The following ABCC4 variants were observed in gnomAD, a reference collection of about 807,000 sequenced individuals.
ABCC4 encodes the protein ATP-binding cassette sub-family C member 4.
ABCC4 carries 102 observed loss-of-function variants against 168.5 expected under a neutral mutation model. The ratio of observed to expected loss-of-function variants is 0.61; its 90% CI spans 0.52 to 0.71. ABCC4 has a LOEUF of 0.71. Among genes scored for constraint, ABCC4 ranks in the 30% least tolerant of loss-of-function variants. The pLI is 0.00. For synonymous variants in ABCC4, 617 were observed against 590.7 expected, an observed-to-expected ratio of 1.04 and a Z score of -0.65; for missense variants, 1,402 against 1,605.8, an observed-to-expected ratio of 0.87 and a Z score of 2.17.
intron 4 of ABCC4, among the ~76,000 whole-genome samples, chr13:95,219,763 C>T (rs1324946534): frequency 6.6e-6 from 1 of 152,178 alleles, no homozygotes; most frequent in Non-Finnish European, 1.5e-5. Context: ...AAGCAATGCT[C>T]CCGCCTTGGC....
chr13:95,189,005 T>C (rs943007560), intron 9 of ABCC4, among the ~76,000 whole-genome samples: 2 of 152,100 alleles, frequency 1.3e-5, no homozygotes, highest in Non-Finnish European at 2.9e-5. Flanking sequence ...TTTTAAGCCC[T>C]GCATGCATTA....
chr13:95,229,334 C>T (rs957924135), intron 4 of ABCC4, among the ~76,000 whole-genome samples: 17 of 152,150 alleles, frequency 1.1e-4, no homozygotes, highest in Non-Finnish European at 2.4e-4. Flanking sequence ...CAGACAGATA[C>T]TTTACCTCAA....
chr13:95,230,648 G>A (rs1405270268), intron 4 of ABCC4, among the ~76,000 whole-genome samples: 1 of 152,130 alleles, frequency 6.6e-6, no homozygotes, highest in Non-Finnish European at 1.5e-5. Context: ...GGTGGCAGGT[G>A]CCTGTAGTCC....
Position 95,075,624 on chromosome 13 carries a change from G to C in ABCC4, c.2687-73C>G, listed in dbSNP as rs1594054727. The C allele has an allele frequency of 1.9e-6, 3 of 1,594,956 alleles. No individual in the cohort carries two copies. The South Asian group carries it at 3.4e-5, about 18-fold the overall frequency. On this transcript the variant is annotated intron_variant, in intron 21 of 30. Coordinates refer to ENST00000645237, the MANE Select transcript of ABCC4 (RefSeq NM_005845.5). ...AAACCTGCGGCCTCCCAAGCTCCAT[G>C]GTCACGTATCCACCAAACAGCACAC...
intron 8 of ABCC4, among the ~76,000 whole-genome samples, chr13:95,198,187 A>C (rs1234445042): frequency 6.6e-6 from 1 of 151,996 alleles, no homozygotes; most frequent in Non-Finnish European, 1.5e-5. Context: ...TACAGAATGG[A>C]AGAAAATTTT....
chr13:95,067,153 T>A (rs1335692678), intron 25 of ABCC4, among the ~76,000 whole-genome samples: 1 of 152,110 alleles, frequency 6.6e-6, no homozygotes. Flanking sequence ...CTCAAATACA[T>A]CGCTGTGCTG....
intron 1 of ABCC4, among the ~76,000 whole-genome samples, chr13:95,267,796 T>A (rs1033030403): frequency 6.6e-6 from 1 of 152,178 alleles, no homozygotes; most frequent in African/African-American, 2.4e-5. Context: ...GGATGGGGGC[T>A]GTGCATATCA....
At chr13:95,201,643 C>T (rs1008487020) in intron 8 of ABCC4, among the ~76,000 whole-genome samples, 19 of 152,034 alleles carry the variant, frequency 1.2e-4, no homozygotes, top group Non-Finnish European at 2.5e-4. Flanking sequence ...GACAAAGTCA[C>T]GTATGGAGAG....
chr13:95,077,889 A>G (rs1252574286), intron 21 of ABCC4, among the ~76,000 whole-genome samples: 2 of 152,096 alleles, frequency 1.3e-5, no homozygotes, highest in Admixed American at 1.3e-4. Flanking sequence ...GAGGTTCCAC[A>G]TATATCAGAG....
chr13:95,126,556 T>C (rs1490554319), intron 19 of ABCC4, among the ~76,000 whole-genome samples: 3 of 151,444 alleles, frequency 2.0e-5, no homozygotes, highest in Non-Finnish European at 4.4e-5. Flanking sequence ...ACCCACCCTA[T>C]GTAAAGCAAC....
intron 4 of ABCC4, among the ~76,000 whole-genome samples, chr13:95,222,404 A>G (rs962979783): frequency 6.6e-5 from 10 of 152,326 alleles, no homozygotes; most frequent in Non-Finnish European, 1.2e-4. Flanking sequence ...CTGAAGTCCA[A>G]ACACATCACA....
At chr13:95,161,649 T>C (rs574180220) in intron 18 of ABCC4, 13 of 173,442 alleles carry the variant, frequency 7.5e-5, no homozygotes, top group Middle Eastern at 2.5e-3. Context: ...TGAAGTGTAG[T>C]TGATCTTCTC....
At chr13:95,194,291 C>T (rs561556787) in intron 9 of ABCC4, among the ~76,000 whole-genome samples, 1 of 152,336 alleles carries the variant, frequency 6.6e-6, no homozygotes, top group African/African-American at 2.4e-5. Flanking sequence ...GCTACGCCGG[C>T]CTGCAGCCTC....
intron 27 of ABCC4, among the ~76,000 whole-genome samples, chr13:95,046,978 T>C (rs2032605675): frequency 6.6e-6 from 1 of 152,214 alleles, no homozygotes; most frequent in African/African-American, 2.4e-5. Flanking sequence ...TGTCATGTAG[T>C]TGAATGTTCT....
intron 19 of ABCC4, among the ~76,000 whole-genome samples, chr13:95,131,142 A>T (rs1034717311): frequency 2.0e-5 from 3 of 152,188 alleles, no homozygotes; most frequent in Non-Finnish European, 4.4e-5. Flanking sequence ...AAGACTTCTT[A>T]TGCCAAGCCT....
chr13:95,059,744 C>G (rs2033215797), intron 26 of ABCC4, among the ~76,000 whole-genome samples: 1 of 152,126 alleles, frequency 6.6e-6, no homozygotes, highest in Non-Finnish European at 1.5e-5. Flanking sequence ...GTTAATGAGC[C>G]AAGTCCTTCT....
At chr13:95,162,493 T>C (rs949180618) in intron 18 of ABCC4, among the ~76,000 whole-genome samples, 4 of 152,158 alleles carry the variant, frequency 2.6e-5, no homozygotes, top group Non-Finnish European at 5.9e-5. Context: ...GCAAGCCAAA[T>C]GTTAAATTAA....
intron 1 of ABCC4, among the ~76,000 whole-genome samples, chr13:95,264,016 G>A (rs2040603841): frequency 1.3e-5 from 2 of 152,122 alleles, no homozygotes; most frequent in South Asian, 4.1e-4. Context: ...AATGTTCAAA[G>A]AATCCCGACA....
At position 95,250,452 on chromosome 13, in the gene ABCC4, G is replaced by T. The variant is rs11840557; in HGVS notation, c.75-2699C>A. Among the ~76,000 whole-genome samples the T allele has an allele frequency of 3.1e-3, 468 of 152,318 alleles. 3 individuals carry two copies. The highest frequency in any genetic ancestry group is 0.011 in the African/African-American group (451 of 41,568). On this transcript the variant is annotated intron_variant, in intron 1 of 30. Transcript: ENST00000645237. ...GATACTCAATAAACAGTTATGGAAAGAATGAATGATTGTATTATTGAATAA... is the reference window on the plus strand; with the variant it reads ...GATACTCAATAAACAGTTATGGAAATAATGAATGATTGTATTATTGAATAA...
Sources: gnomAD v4.1 joint callset for allele counts (sites outside exome capture counted in the v4.1 genomes callset) on GRCh38, gnomAD v4.1.1 for gene constraint, MANE v1.5 for transcripts, NCBI Gene and HGNC (gene_info 2026-07-23, HGNC 2026-07-21) for gene names.